ITPR1: variants seen among roughly 807,000 people sequenced by gnomAD.
ITPR1 encodes inositol 1,4,5-trisphosphate receptor type 1.
Under a neutral mutation model 318.4 loss-of-function variants are expected in ITPR1, and 96 were observed. That is an observed-to-expected ratio of 0.30 (90% CI 0.26 to 0.36). The LOEUF is 0.36. Among genes scored for constraint, ITPR1 ranks in the 10% least tolerant of loss-of-function variants. ITPR1 has a pLI of 1.00. For synonymous variants in ITPR1, 1,312 were observed against 1,289.9 expected (o/e 1.02, Z -0.37); for missense variants, 2,440 against 3,460.2 (o/e 0.71, Z 7.40).
chr3:4,524,635 C>T (rs2082834557), intron 4 of ITPR1, among the ~76,000 whole-genome samples: 1 of 152,160 alleles, frequency 6.6e-6, no homozygotes, highest in African/African-American at 2.4e-5. Flanking sequence ...AAGTTATTTC[C>T]TATATTGAGA....
Position 4,609,083 on chromosome 3 carries a change from TATATATAC to T in ITPR1, c.164-18678_164-18671del, listed in dbSNP as rs1215524748. 5.4e-3 allele frequency among the ~76,000 whole-genome samples: 503 copies of T among 92,362 alleles called. 8 individuals carry two copies. Among genetic ancestry groups the T allele is most frequent in the African/African-American group, 0.023 (482 of 21,106 alleles). The allele number at this position is 92,362 out of a possible 152,430, so 60.6% of individuals were successfully genotyped here. ...ATATATATATATATATATATATATA[TATATATAC>T]ACACACACGTATGTCAGTGGTGGTG... On this transcript the variant is annotated intron_variant, in intron 4 of 61. Transcript: ENST00000649015.
At chr3:4,713,505 G>A (rs1369831822) in intron 39 of ITPR1, among the ~76,000 whole-genome samples, 3 of 152,160 alleles carry the variant, frequency 2.0e-5, no homozygotes, top group Non-Finnish European at 4.4e-5. Flanking sequence ...CTATTGCCTG[G>A]CGGACAAGTA....
intron 34 of ITPR1, among the ~76,000 whole-genome samples, chr3:4,698,508 C>T (rs1009902701): frequency 3.3e-5 from 5 of 152,092 alleles, no homozygotes; most frequent in South Asian, 2.1e-4. Context: ...AGGACCAGAT[C>T]GTAAATATGT....
At chr3:4,689,084 G>C (rs543798203) in intron 31 of ITPR1, among the ~76,000 whole-genome samples, 1 of 152,154 alleles carries the variant, frequency 6.6e-6, no homozygotes, top group Admixed American at 6.5e-5. Flanking sequence ...AAAGAAAAAT[G>C]ATGCCACACT....
chr3:4,703,215 T>A (rs2125267236), intron 36 of ITPR1, among the ~76,000 whole-genome samples: 1 of 152,338 alleles, frequency 6.6e-6, no homozygotes, highest in East Asian at 1.9e-4. Flanking sequence ...GGCAATTCTT[T>A]GGCAAGTAAC....
At chr3:4,504,722 C>G (rs2081278116) in intron 2 of ITPR1, among the ~76,000 whole-genome samples, 1 of 152,132 alleles carries the variant, frequency 6.6e-6, no homozygotes, top group African/African-American at 2.4e-5. Flanking sequence ...CAAAATTAAC[C>G]CTGAGTGCCC....
At chr3:4,586,489 G>A (rs764563666) in intron 4 of ITPR1, among the ~76,000 whole-genome samples, 3 of 150,718 alleles carry the variant, frequency 2.0e-5, no homozygotes, top group African/African-American at 4.9e-5. Context: ...ACTGTCTGGC[G>A]GCAAGTAGCC....
intron 4 of ITPR1, among the ~76,000 whole-genome samples, chr3:4,529,188 A>C (rs2083219055): frequency 6.6e-6 from 1 of 152,228 alleles, no homozygotes; most frequent in Non-Finnish European, 1.5e-5. Flanking sequence ...CACCCTGGAA[A>C]GTAGACCTCA....
intron 60 of ITPR1, among the ~76,000 whole-genome samples, chr3:4,832,691 A>G (rs892407191): frequency 1.3e-5 from 2 of 152,124 alleles, no homozygotes; most frequent in Admixed American, 6.5e-5. Flanking sequence ...TTTAATATAA[A>G]AATATTTCAA....
chr3:4,664,005 G>A (rs1393845652), intron 16 of ITPR1, among the ~76,000 whole-genome samples: 7 of 152,170 alleles, frequency 4.6e-5, no homozygotes, highest in Non-Finnish European at 7.3e-5. Context: ...GATTTTTAGC[G>A]TACTTGTTGG....
chr3:4,564,090 T>C (rs530807158), intron 4 of ITPR1, among the ~76,000 whole-genome samples: 77 of 152,150 alleles, frequency 5.1e-4, no homozygotes, highest in African/African-American at 1.6e-3. Context: ...TACAGGTGTG[T>C]GCCACCATGC....
intron 40 of ITPR1, among the ~76,000 whole-genome samples, chr3:4,720,885 C>T (rs1182513629): frequency 6.6e-6 from 1 of 152,004 alleles, no homozygotes; most frequent in East Asian, 1.9e-4. Context: ...AGATGTCCTA[C>T]TTTTTACATT....
chr3:4,649,604 C>T (rs1173493532), intron 10 of ITPR1, among the ~76,000 whole-genome samples: 1 of 152,204 alleles, frequency 6.6e-6, no homozygotes, highest in African/African-American at 2.4e-5. Flanking sequence ...AAACAGAATC[C>T]TATCATATAT....
rs905324625 is a variant in ITPR1, at chr3:4,826,347, G to A, written c.8028+8105G>A. On this transcript the variant is annotated intron_variant, in intron 60 of 61. Transcript: ENST00000649015. The surrounding 1 kb of genome is among the most constrained non-coding windows in gnomAD (Gnocchi z 4.2). ...CGAGCATTGGTTAAAATGTCACCTG[G>A]GCTCTGACAAGCCCTTAACCATGGG... Among the ~76,000 whole-genome samples the A allele has an allele frequency of 6.6e-6, 1 of 152,166 alleles. No individual in the cohort carries two copies. Among genetic ancestry groups the A allele is most frequent in the Non-Finnish European group, 1.5e-5 (1 of 68,042 alleles).
chr3:4,793,296 G>A (rs555195004), intron 52 of ITPR1, among the ~76,000 whole-genome samples: 118 of 152,320 alleles, frequency 7.7e-4, no homozygotes, highest in Non-Finnish European at 7.5e-4. Context: ...TTGATACGGA[G>A]CACTCCCTCT....
chr3:4,578,254 A>G (rs1407443182), intron 4 of ITPR1, among the ~76,000 whole-genome samples: 1 of 152,216 alleles, frequency 6.6e-6, no homozygotes, highest in Non-Finnish European at 1.5e-5. Flanking sequence ...GATTCTATAG[A>G]AAACATTTTT....
chr3:4,820,124 T>C lies in ITPR1; in HGVS notation c.8028+1882T>C, dbSNP rs373396743. ...GTGAGGTTTCCAGGGTCAGGACACA[T>C]TAACTGAAAAGTCCTCAGTTCCCTT... On this transcript the variant is annotated intron_variant, in intron 60 of 61. Transcript: ENST00000649015. Among the ~76,000 whole-genome samples, 24 of 152,336 alleles carry C rather than the reference T, an allele frequency of 1.6e-4. 5 individuals carry two copies. The highest frequency in any genetic ancestry group is 3.3e-4 in the Admixed American group (5 of 15,306).
At chr3:4,645,978 G>A in intron 10 of ITPR1, 2 of 436,916 alleles carry the variant, frequency 4.6e-6, no homozygotes, top group Non-Finnish European at 4.1e-6. Context: ...GTGCATCATG[G>A]CATATCATGG....
chr3:4,824,997 T>G (rs1421710369), intron 60 of ITPR1, among the ~76,000 whole-genome samples: 1 of 152,182 alleles, frequency 6.6e-6, no homozygotes, highest in Non-Finnish European at 1.5e-5. Flanking sequence ...GGTGTCAAAG[T>G]AAAAGGAGAA....
Sources: gnomAD v4.1 joint callset for allele counts (sites outside exome capture counted in the v4.1 genomes callset) on GRCh38, gnomAD v4.1.1 for gene constraint, Gnocchi (gnomAD v3.1) non-coding constraint, MANE v1.5 for transcripts, NCBI Gene and HGNC (gene_info 2026-07-23, HGNC 2026-07-21) for gene names.